EHBP1: variants seen among roughly 807,000 people sequenced by gnomAD.
EHBP1 encodes the protein EH domain-binding protein 1.
EHBP1 carries 55 observed loss-of-function variants against 144.0 expected under a neutral mutation model. The observed-to-expected ratio is 0.38, with a 90% CI of 0.31 to 0.48. The LOEUF is 0.48. Ranked by LOEUF, EHBP1 falls within the 20% of genes least tolerant of loss-of-function variation. The probability of loss-of-function intolerance (pLI) is 0.98; values close to 1 mark genes in which losing one functional copy is unlikely to be tolerated. For missense variants in EHBP1, 1,200 were observed against 1,364.2 expected, an observed-to-expected ratio of 0.88 and a Z score of 1.90; for synonymous variants, 469 against 472.7, an observed-to-expected ratio of 0.99 and a Z score of 0.10.
chr2:62,859,166 C>T lies in EHBP1; in HGVS notation c.635-3C>T, dbSNP rs749553142. The T allele has an allele frequency of 3.0e-5, 49 of 1,607,996 alleles. No homozygotes were observed. The highest frequency in any genetic ancestry group is 7.7e-6 in the Non-Finnish European group (9 of 1,176,358). On this transcript the variant is annotated splice_region_variant and splice_polypyrimidine_tract_variant and intron_variant, in intron 7 of 22. Transcript: ENST00000431489. Reference sequence around the variant, plus strand: ...GGGAACTAACCCATATGTTTATTTTCAGAGCTTATCAACAAACTTAACTTT... The same window carrying T: ...GGGAACTAACCCATATGTTTATTTTTAGAGCTTATCAACAAACTTAACTTT...
chr2:62,854,558 T>C lies in EHBP1; in HGVS notation c.635-4611T>C, dbSNP rs147938001. Among the ~76,000 whole-genome samples the C allele has an allele frequency of 7.9e-5, 12 of 152,086 alleles. No individual in the cohort carries two copies. The East Asian group carries it at 2.3e-3, about 29-fold the overall frequency. ...TTCAATATTGTTGTGTCTGAGAAAA[T>C]AAGGAGGTCTGGGGAGTGGTAGATG... is the stretch of plus-strand genomic sequence containing the variant. On this transcript the variant is annotated intron_variant, in intron 7 of 22. Coordinates refer to ENST00000431489, the MANE Select transcript of EHBP1 (RefSeq NM_001142616.3).
intron 2 of EHBP1, among the ~76,000 whole-genome samples, chr2:62,740,117 A>G (rs932491229): frequency 1.3e-5 from 2 of 152,164 alleles, no homozygotes; most frequent in Admixed American, 1.3e-4. Flanking sequence ...GATATTAGAA[A>G]TACCTGTCAG....
chr2:62,969,789 A>G (rs543101927), intron 14 of EHBP1, among the ~76,000 whole-genome samples: 4 of 152,270 alleles, frequency 2.6e-5, no homozygotes, highest in African/African-American at 9.6e-5. Flanking sequence ...TTTGTTAGAG[A>G]AGCAGAGATC....
At chr2:62,932,498 CTT>C (rs1237750429) in intron 10 of EHBP1, among the ~76,000 whole-genome samples, 78 of 152,216 alleles carry the variant, frequency 5.1e-4, no homozygotes, top group Non-Finnish European at 3.1e-4. Flanking sequence ...TATGATTTCA[CTT>C]ATATGAAATC....
At chr2:63,023,608 A>G (rs2060850461) in intron 19 of EHBP1, among the ~76,000 whole-genome samples, 1 of 152,136 alleles carries the variant, frequency 6.6e-6, no homozygotes, top group South Asian at 2.1e-4. Context: ...AAGCCAACCA[A>G]TCCCATGCCC....
chr2:62,863,836 T>A (rs1369800007), intron 8 of EHBP1, among the ~76,000 whole-genome samples: 1 of 105,104 alleles, frequency 9.5e-6, no homozygotes, highest in Non-Finnish European at 1.9e-5. Context: ...TATTTTTCTG[T>A]GTTGTTTTTT....
chr2:62,802,501 A>G (rs933936851), intron 5 of EHBP1, among the ~76,000 whole-genome samples: 6 of 152,180 alleles, frequency 3.9e-5, no homozygotes, highest in Non-Finnish European at 7.3e-5. Context: ...ATACACACAT[A>G]CTTTTGAGAA....
chr2:62,957,136 A>G (rs2057742298), intron 14 of EHBP1, among the ~76,000 whole-genome samples: 1 of 152,244 alleles, frequency 6.6e-6, no homozygotes, highest in Non-Finnish European at 1.5e-5. Context: ...TATTTTTAAA[A>G]GTTAACATAC....
intron 7 of EHBP1, among the ~76,000 whole-genome samples, chr2:62,847,285 T>C (rs2048359844): frequency 6.6e-6 from 1 of 152,124 alleles, no homozygotes; most frequent in Non-Finnish European, 1.5e-5. Context: ...AACCCCCACC[T>C]CTCCACATAC....
chr2:62,894,356 A>G (rs919000619), intron 10 of EHBP1, among the ~76,000 whole-genome samples: 1 of 152,164 alleles, frequency 6.6e-6, no homozygotes. Context: ...TTCTGAATGC[A>G]CTCCTCATTA....
At chr2:62,952,409 T>G (rs2057438894) in intron 13 of EHBP1, among the ~76,000 whole-genome samples, 1 of 152,242 alleles carries the variant, frequency 6.6e-6, no homozygotes. Flanking sequence ...TAATAGATAG[T>G]GTATTAGAGT....
intron 19 of EHBP1, among the ~76,000 whole-genome samples, chr2:63,006,891 C>A (rs915293290): frequency 6.6e-6 from 1 of 151,702 alleles, no homozygotes; most frequent in Non-Finnish European, 1.5e-5. Context: ...TATGTCTGTT[C>A]ATAAGTCAAA....
At chr2:62,972,700 CT>C (rs1337713289) in intron 14 of EHBP1, among the ~76,000 whole-genome samples, 1 of 152,132 alleles carries the variant, frequency 6.6e-6, no homozygotes, top group African/African-American at 2.4e-5. Context: ...GCAAAATTGT[CT>C]CTGTGGTGTT....
chr2:62,928,865 G>C (rs1168875755), intron 10 of EHBP1, among the ~76,000 whole-genome samples: 1 of 149,526 alleles, frequency 6.7e-6, no homozygotes, highest in Non-Finnish European at 1.5e-5. Context: ...AAGAGAAAAG[G>C]CTCACTTTAG....
chr2:63,012,832 G>A (rs990043741), intron 19 of EHBP1, among the ~76,000 whole-genome samples: 3 of 152,052 alleles, frequency 2.0e-5, no homozygotes, highest in Admixed American at 2.0e-4. Context: ...AAGATACAAG[G>A]GCAACCACAA....
chr2:62,922,118 T>C (rs1042572370), intron 10 of EHBP1, among the ~76,000 whole-genome samples: 1 of 152,104 alleles, frequency 6.6e-6, no homozygotes, highest in Non-Finnish European at 1.5e-5. Flanking sequence ...GAGGTTGCAG[T>C]GAGCGGAGAT....
chr2:62,998,276 G>T (rs1441990317), intron 19 of EHBP1, among the ~76,000 whole-genome samples: 1 of 151,996 alleles, frequency 6.6e-6, no homozygotes, highest in Non-Finnish European at 1.5e-5. Context: ...TACTTGTGTG[G>T]ATTCAGCATG....
At chr2:63,038,558 A>G (rs2061535963) in intron 20 of EHBP1, among the ~76,000 whole-genome samples, 185 bp from the exon 21 acceptor site, 1 of 152,198 alleles carries the variant, frequency 6.6e-6, no homozygotes, top group Non-Finnish European at 1.5e-5. Flanking sequence ...GAAGGAGGAA[A>G]ATAATAGCAC....
intron 12 of EHBP1, among the ~76,000 whole-genome samples, chr2:62,944,864 C>T (rs1314052482): frequency 3.9e-5 from 6 of 152,204 alleles, no homozygotes; most frequent in Admixed American, 3.3e-4. Context: ...CTTTTTTCTA[C>T]TGAATTGAAT....
Sources: gnomAD v4.1 joint callset for allele counts (sites outside exome capture counted in the v4.1 genomes callset) on GRCh38, gnomAD v4.1.1 for gene constraint, MANE v1.5 for transcripts, NCBI Gene and HGNC (gene_info 2026-07-23, HGNC 2026-07-21) for gene names.